NUP98: variants seen among roughly 807,000 people sequenced by gnomAD.
The protein encoded by NUP98 is nucleoporin 98 and 96 precursor, also known as nuclear pore complex protein Nup98-Nup96.
A neutral mutation model predicts 191.9 loss-of-function variants in NUP98; 26 were observed. The ratio of observed to expected loss-of-function variants is 0.14; its 90% confidence interval spans 0.10 to 0.19. The LOEUF is 0.19. Ranked by LOEUF, NUP98 falls within the 10% of genes least tolerant of loss-of-function variation. The pLI, the probability that NUP98 is intolerant of heterozygous loss-of-function variation, is 1.00. For synonymous variants in NUP98, 808 were observed against 778.4 expected (o/e 1.04, Z -0.63); for missense variants, 1,941 against 2,178.8 (o/e 0.89, Z 2.17).
At chr11:3,767,098 T>G (rs974688696) in intron 8 of NUP98, among the ~76,000 whole-genome samples, 2 of 151,998 alleles carry the variant, frequency 1.3e-5, no homozygotes, top group African/African-American at 4.8e-5. Flanking sequence ...CTGCGTAGCT[T>G]GGATTAGTCA....
At chr11:3,748,016 G>A (rs940734003) in intron 11 of NUP98, among the ~76,000 whole-genome samples, 2 of 152,102 alleles carry the variant, frequency 1.3e-5, no homozygotes, top group African/African-American at 2.4e-5. Context: ...TTAATTGATT[G>A]TATTCATCTT....
chr11:3,699,106 C>A lies in NUP98; in HGVS notation c.3985G>T (p.Ala1329Ser). The part of the protein sequence containing the change: ...SYLTGKRISE[A>S]CSLAQQSGDH... Reference sequence around the variant, plus strand: ...CCTGACTGCTGGGCCAGAGAGCAGGCCTCACTGATCCTTTTGCCTGTGAGG... The same window carrying A: ...CCTGACTGCTGGGCCAGAGAGCAGGACTCACTGATCCTTTTGCCTGTGAGG... The change falls in exon 25 of 33, where the codon GCC (alanine) becomes TCC (serine). Residue 1329 changes from alanine (A) to serine (S), a missense_variant. Around this residue, in one of 6 missense-constraint regions of NUP98, gnomAD observed 1,030 missense variants for 1,115.8 expected, o/e 0.92. Transcript: ENST00000324932. 6.2e-7 allele frequency: 1 copy of A among 1,612,900 alleles called. No individual in the cohort carries two copies. The highest frequency in any genetic ancestry group is 1.1e-5 in the South Asian group (1 of 91,012).
chr11:3,731,387 T>G lies in NUP98; in HGVS notation c.1730+4A>C. On this transcript the variant is annotated splice_donor_region_variant and intron_variant, in intron 14 of 32. Transcript: ENST00000324932. ...TTAATTTCTGTTAACAAAAATAAAC[T>G]CACTTGGGCATGAATGCTCCATTGG... 2 of 1,517,232 alleles carry G rather than the reference T, an allele frequency of 1.3e-6. No individual in the cohort carries two copies. The highest frequency in any genetic ancestry group is 2.8e-5 in the South Asian group (2 of 71,526). 94.0% of individuals were successfully genotyped at this position (1,517,232 alleles called of 1,614,324 possible).
chr11:3,706,666 TA>T, intron 20 of NUP98, 39 bp from the exon 21 acceptor site: 1 of 1,542,156 alleles, frequency 6.5e-7, no homozygotes. Context: ...AGCATTAAAT[TA>T]TACCAAACAG....
intron 11 of NUP98, among the ~76,000 whole-genome samples, chr11:3,745,239 A>G (rs2080447202): frequency 6.6e-6 from 1 of 152,252 alleles, no homozygotes; most frequent in Non-Finnish European, 1.5e-5. Context: ...TCTTTCTTAC[A>G]GACAACTATA....
Position 3,699,072 on chromosome 11 carries a change from C to A in NUP98, c.4009+10G>T, listed in dbSNP as rs889505285. On this transcript the variant is annotated intron_variant, in intron 25 of 32. Coordinates refer to ENST00000324932, the MANE Select transcript of NUP98 (RefSeq NM_016320.5). ...CAGAGGCGCAGAGAAGGACCATATG[C>A]CTTCCCCACCTGACTGCTGGGCCAG... 6.2e-7 allele frequency: 1 copy of A among 1,611,798 alleles called. No individual in the cohort carries two copies. The highest frequency in any genetic ancestry group is 1.3e-5 in the African/African-American group (1 of 74,950).
chr11:3,709,577 C>CACCT (rs2078970122), intron 20 of NUP98, among the ~76,000 whole-genome samples: 1 of 151,308 alleles, frequency 6.6e-6, no homozygotes, highest in Admixed American at 6.6e-5. Flanking sequence ...TGATGGCATG[C>CACCT]ACCTGCAGTC....
chr11:3,738,222 A>G (rs567499064), intron 12 of NUP98, among the ~76,000 whole-genome samples: 1 of 152,306 alleles, frequency 6.6e-6, no homozygotes, highest in African/African-American at 2.4e-5. Context: ...CACAGGTAAG[A>G]GAGTATCTTG....
At chr11:3,766,249 C>G (rs2081335492) in intron 8 of NUP98, among the ~76,000 whole-genome samples, 2 of 152,036 alleles carry the variant, frequency 1.3e-5, no homozygotes, top group Non-Finnish European at 2.9e-5. Context: ...GTGGTGCACG[C>G]CTGTAGTCCC....
Position 3,760,578 on chromosome 11 carries a change from T to C in NUP98, c.1135A>G (p.Ser379Gly). The C allele has an allele frequency of 1.9e-6, 3 of 1,613,890 alleles. No individual in the cohort carries two copies. Among genetic ancestry groups the C allele is most frequent in the Non-Finnish European group, 2.5e-6 (3 of 1,179,778 alleles). The stretch of plus-strand genomic sequence containing the variant: ...CTGGTTGTACCAAATGAAGGTGCAC[T>C]GGTTGTGCTGCTTCCAAATGTAGTA... ...KLTTFGSSTT[S>G]APSFGTTSGG... Residue 379 changes from serine (S) to glycine (G), a missense_variant, in exon 10 of 33, where the codon AGT (serine) becomes GGT (glycine). By Grantham distance (56) the Ser-to-Gly change is moderately conservative. Coordinates refer to ENST00000324932, the MANE Select transcript of NUP98 (RefSeq NM_016320.5).
At position 3,687,327 on chromosome 11, in the gene NUP98, C is replaced by T. The variant is rs150326784; in HGVS notation, c.4455-1133G>A. Among the ~76,000 whole-genome samples the T allele has an allele frequency of 7.9e-5, 12 of 152,320 alleles. No individual in the cohort carries two copies. The East Asian group carries it at 9.6e-4, about 12-fold the overall frequency. Reference sequence around the variant, plus strand: ...CGAATTGCAAGTATTTTCTCCCAATCTATGGTTTACCTTTTCATTCTCTTA... The same window carrying T: ...CGAATTGCAAGTATTTTCTCCCAATTTATGGTTTACCTTTTCATTCTCTTA... On this transcript the variant is annotated intron_variant, in intron 28 of 32. Coordinates refer to ENST00000324932, the MANE Select transcript of NUP98 (RefSeq NM_016320.5).
chr11:3,676,603 A>G lies in NUP98; in HGVS notation c.5091T>C (p.Asn1697=), dbSNP rs766282646. Residue 1697 remains asparagine (N), a synonymous_variant, in exon 32 of 33, where the codon AAT becomes AAC. Transcript: ENST00000324932. ...CTTTGATGTGTAACTGCTCCAGGTC[A>G]TTACCTGAGCAATCCACCTACAAAG... The part of the protein sequence containing the change: ...RHIQQVDCSG[N]DLEQLHIKVT... 5.6e-6 allele frequency: 9 copies of G among 1,613,358 alleles called. No individual in the cohort carries two copies. Among genetic ancestry groups the G allele is most frequent in the Non-Finnish European group, 5.9e-6 (7 of 1,179,254 alleles).
chr11:3,755,689 G>A (rs2080935589), intron 10 of NUP98, among the ~76,000 whole-genome samples: 1 of 152,176 alleles, frequency 6.6e-6, no homozygotes, highest in Admixed American at 6.5e-5. Context: ...AGCAGGCCGG[G>A]CGCAGTGGCT....
intron 31 of NUP98, 73 bp downstream of exon 31, chr11:3,679,481 C>T: frequency 2.0e-6 from 3 of 1,524,054 alleles, no homozygotes; most frequent in East Asian, 2.2e-5. Flanking sequence ...TATACTAAGG[C>T]CTTGTGAGGT....
At chr11:3,722,671 C>T (rs2079448224) in intron 16 of NUP98, among the ~76,000 whole-genome samples, 1 of 151,842 alleles carries the variant, frequency 6.6e-6, no homozygotes, top group South Asian at 2.1e-4. Context: ...CAAAACTTAA[C>T]GGGGTGTGGT....
chr11:3,683,485 G>A, intron 29 of NUP98, 44 bp from the exon 30 acceptor site: 1 of 1,606,596 alleles, frequency 6.2e-7, no homozygotes, highest in Non-Finnish European at 8.5e-7. Flanking sequence ...CCTCATTCAT[G>A]GAGAAGGCTG....
chr11:3,700,563 C>T (rs758306758), intron 24 of NUP98, 47 bp downstream of exon 24: 43 of 1,321,424 alleles, frequency 3.3e-5, no homozygotes, highest in Non-Finnish European at 4.4e-5. Context: ...TACGCTACCA[C>T]CACTATTATT....
chr11:3,679,395 G>T, intron 31 of NUP98, 159 bp downstream of exon 31: 1 of 868,754 alleles, frequency 1.2e-6, no homozygotes, highest in Non-Finnish European at 1.9e-6. Context: ...ATAGCTGTCA[G>T]AAACGGTTAT....
chr11:3,792,524 T>C (rs2082390674), intron 1 of NUP98, among the ~76,000 whole-genome samples: 1 of 151,842 alleles, frequency 6.6e-6, no homozygotes, highest in Non-Finnish European at 1.5e-5. Context: ...GGCATGAGAA[T>C]CACCTGAACC....
Sources: gnomAD v4.1 joint callset for allele counts (sites outside exome capture counted in the v4.1 genomes callset) on GRCh38, gnomAD v4.1.1 for gene constraint, gnomAD v4.1.1 regional missense constraint, MANE v1.5 for transcripts, NCBI Gene and HGNC (gene_info 2026-07-23, HGNC 2026-07-21) for gene names.